CNTN5: variants seen among roughly 807,000 people sequenced by gnomAD.
CNTN5 encodes contactin 5, also known as contactin-5.
CNTN5 carries 77 observed loss-of-function variants against 129.1 expected under a neutral mutation model. The ratio of observed to expected loss-of-function variants is 0.60; its 90% CI spans 0.50 to 0.72. The LOEUF (loss-of-function observed/expected upper bound fraction) is 0.72. Ranked by LOEUF, CNTN5 falls within the 30% of genes least tolerant of loss-of-function variation. The probability of loss-of-function intolerance (pLI) is 0.00; values close to 1 mark genes in which losing one functional copy is unlikely to be tolerated. For missense variants in CNTN5, 1,478 were observed against 1,328.8 expected (o/e 1.11, Z -1.75); for synonymous variants, 509 against 465.6 (o/e 1.09, Z -1.20).
At chr11:99,311,020 C>T (rs2135969349) in intron 1 of CNTN5, among the ~76,000 whole-genome samples, 1 of 152,218 alleles carries the variant, frequency 6.6e-6, no homozygotes, top group Non-Finnish European at 1.5e-5. Flanking sequence ...CAACCTCTGC[C>T]TCCCAAGTTC....
intron 3 of CNTN5, among the ~76,000 whole-genome samples, chr11:99,598,106 T>C (rs1166872120): frequency 6.6e-6 from 1 of 152,096 alleles, no homozygotes; most frequent in Non-Finnish European, 1.5e-5. Context: ...TGATACCAGT[T>C]TCCTTCACTT....
intron 3 of CNTN5, among the ~76,000 whole-genome samples, chr11:99,817,769 G>T (rs1946641743): frequency 6.6e-6 from 1 of 151,918 alleles, no homozygotes; most frequent in South Asian, 2.1e-4. Flanking sequence ...GCCAAAACTT[G>T]CATTTAATTC....
At chr11:99,699,579 G>A (rs556410841) in intron 3 of CNTN5, among the ~76,000 whole-genome samples, 1 of 151,532 alleles carries the variant, frequency 6.6e-6, no homozygotes, top group East Asian at 1.9e-4. Context: ...ACAAAGGCTA[G>A]GGATAAGCCA....
intron 1 of CNTN5, among the ~76,000 whole-genome samples, chr11:99,134,397 T>C (rs894395883): frequency 6.6e-6 from 1 of 152,164 alleles, no homozygotes; most frequent in Non-Finnish European, 1.5e-5. Flanking sequence ...ACTTGCACCC[T>C]GGAACATAAA....
At chr11:100,144,211 G>GT (rs201780316) in intron 13 of CNTN5, among the ~76,000 whole-genome samples, 3 of 151,954 alleles carry the variant, frequency 2.0e-5, no homozygotes, top group African/African-American at 4.8e-5. Context: ...GGTTAAACAA[G>GT]TTTTTTTATT....
At chr11:99,236,469 AACACACACACAC>A (rs33985126) in intron 1 of CNTN5, among the ~76,000 whole-genome samples, 4,797 of 150,090 alleles carry the variant, frequency 0.032, 105 homozygotes, top group Middle Eastern at 0.072. Flanking sequence ...CTCACACACA[AACACACACACAC>A]ACACACACAC....
chr11:99,805,183 A>G (rs1209366185), intron 3 of CNTN5, among the ~76,000 whole-genome samples: 2 of 152,106 alleles, frequency 1.3e-5, no homozygotes, highest in Non-Finnish European at 2.9e-5. Flanking sequence ...ACTTTCATGG[A>G]ATTGTGGAGT....
chr11:99,690,371 C>T (rs1161138506), intron 3 of CNTN5, among the ~76,000 whole-genome samples: 2 of 152,002 alleles, frequency 1.3e-5, no homozygotes, highest in East Asian at 1.9e-4. Context: ...ATGATGCCTC[C>T]AGCTTTGTTT....
intron 7 of CNTN5, among the ~76,000 whole-genome samples, chr11:99,935,902 A>C (rs1330668657): frequency 2.0e-5 from 3 of 151,978 alleles, no homozygotes; most frequent in Non-Finnish European, 4.4e-5. Flanking sequence ...GAACAAGTAT[A>C]TTTCCTAGCC....
chr11:99,839,825 C>CA (rs1348475033), intron 4 of CNTN5, among the ~76,000 whole-genome samples: 1 of 151,576 alleles, frequency 6.6e-6, no homozygotes, highest in African/African-American at 2.4e-5. Context: ...CAAAGTCAAA[C>CA]AAAAAAGAAG....
Position 99,970,879 on chromosome 11 carries a change from A to G in CNTN5, c.877+13870A>G, listed in dbSNP as rs193010927. On this transcript the variant is annotated intron_variant, in intron 8 of 24. Transcript: ENST00000524871. ...CATTACTTGCCTTCAATAGTTTTTC[A>G]CTCCAAGCCTTCCTCACAGTTTTCT... Among the ~76,000 whole-genome samples the G allele has an allele frequency of 5.3e-5, 8 of 151,842 alleles. No individual in the cohort carries two copies. The East Asian group carries it at 1.6e-3, about 30-fold the overall frequency.
rs147358801 is a variant in CNTN5, at chr11:99,457,412, G to C, written c.-70-98733G>C. Among the ~76,000 whole-genome samples, 305 of 151,892 alleles carry C rather than the reference G, an allele frequency of 2.0e-3. 2 individuals are homozygous for C. The highest frequency in any genetic ancestry group is 6.7e-3 in the African/African-American group (279 of 41,512). ...TTTAAAGGAGGAAGCTGTTGTTTTA[G>C]CTGGGATGATCAGAGCAGTTTTAAA... On this transcript the variant is annotated intron_variant, in intron 2 of 24. Transcript: ENST00000524871.
At chr11:99,186,689 T>C (rs1260230565) in intron 1 of CNTN5, among the ~76,000 whole-genome samples, 2 of 152,062 alleles carry the variant, frequency 1.3e-5, no homozygotes, top group East Asian at 3.9e-4. Flanking sequence ...GAGATAACAT[T>C]GACAATGGGA....
intron 9 of CNTN5, among the ~76,000 whole-genome samples, chr11:100,019,171 T>A: frequency 6.6e-6 from 1 of 151,866 alleles, no homozygotes; most frequent in Non-Finnish European, 1.5e-5. Context: ...ATTTTCAATT[T>A]TTTGTGGGGA....
At chr11:99,480,090 G>A (rs1945533412) in intron 2 of CNTN5, among the ~76,000 whole-genome samples, 1 of 152,068 alleles carries the variant, frequency 6.6e-6, no homozygotes, top group South Asian at 2.1e-4. Context: ...TCAGATTTGT[G>A]ATATCTTTGA....
At chr11:99,030,585 A>C (rs760370574) in intron 1 of CNTN5, among the ~76,000 whole-genome samples, 1 of 152,150 alleles carries the variant, frequency 6.6e-6, no homozygotes, top group Non-Finnish European at 1.5e-5. Flanking sequence ...CTATTTTGTA[A>C]GTAGAGGAAG....
intron 2 of CNTN5, among the ~76,000 whole-genome samples, chr11:99,334,098 G>C (rs149535527): frequency 6.6e-6 from 1 of 151,712 alleles, no homozygotes; most frequent in Admixed American, 6.6e-5. Context: ...GCACATACAC[G>C]CCTTGAGTGA....
At chr11:99,932,274 C>A (rs1475729561) in intron 7 of CNTN5, among the ~76,000 whole-genome samples, 3 of 151,988 alleles carry the variant, frequency 2.0e-5, no homozygotes, top group Non-Finnish European at 4.4e-5. Flanking sequence ...CTCACTGCAA[C>A]CTTCGCCTCC....
At chr11:99,282,420 T>C (rs1204638387) in intron 1 of CNTN5, among the ~76,000 whole-genome samples, 2 of 151,950 alleles carry the variant, frequency 1.3e-5, no homozygotes, top group Non-Finnish European at 2.9e-5. Context: ...TTTTTCCATG[T>C]ATGATGAGGG....
Sources: allele counts gnomAD v4.1 joint callset (sites outside exome capture counted in the v4.1 genomes callset), GRCh38; gene constraint gnomAD v4.1.1; transcripts MANE v1.5; gene names NCBI Gene and HGNC (gene_info 2026-07-23, HGNC 2026-07-21).